SYNPO2: variants seen among roughly 807,000 people sequenced by gnomAD.
The protein encoded by SYNPO2 is synaptopodin 2.
A neutral mutation model predicts 85.0 loss-of-function variants in SYNPO2; 56 were observed. The observed-to-expected ratio is 0.66, with a 90% CI of 0.53 to 0.82. SYNPO2 has a LOEUF of 0.82. Ranked by LOEUF, SYNPO2 falls within the 40% of genes least tolerant of loss-of-function variation. SYNPO2 has a pLI of 0.00. For synonymous variants in SYNPO2, 602 were observed against 591.1 expected, an observed-to-expected ratio of 1.02 and a Z score of -0.27; for missense variants, 1,575 against 1,534.2, an observed-to-expected ratio of 1.03 and a Z score of -0.44.
Position 119,007,256 on chromosome 4 carries a change from A to G in SYNPO2, c.106-16174A>G, listed in dbSNP as rs28669919. Reference sequence around the variant, plus strand: ...TATATATATATATATGTATATACATATATATATATATATATATATGTATAT... The same window carrying G: ...TATATATATATATATGTATATACATGTATATATATATATATATATGTATAT... On this transcript the variant is annotated intron_variant, in intron 1 of 4. Coordinates refer to ENST00000307142, the MANE Select transcript of SYNPO2 (RefSeq NM_133477.3). 9.4e-4 allele frequency among the ~76,000 whole-genome samples: 37 copies of G among 39,242 alleles called. 1 individual carries two copies. Among genetic ancestry groups the G allele is most frequent in the African/African-American group, 3.0e-3 (33 of 11,140 alleles). 25.7% of individuals were successfully genotyped at this position (39,242 alleles called of 152,430 possible). A position where few individuals can be genotyped will look rare whatever the true frequency, so the allele number is the denominator to read the frequency against.
chr4:118,863,215 A>C (rs1256260488), intron 1 of SYNPO2, among the ~76,000 whole-genome samples: 1 of 151,946 alleles, frequency 6.6e-6, no homozygotes, highest in Non-Finnish European at 1.5e-5. Context: ...TATTTTTCGG[A>C]ATAGTTTGAG....
upstream of SYNPO2, among the ~76,000 whole-genome samples, chr4:118,884,732 T>G (rs1732169280): frequency 6.6e-6 from 1 of 152,262 alleles, no homozygotes; most frequent in South Asian, 2.1e-4. Context: ...CTCTCTTTTC[T>G]ATGTCTTTAT....
chr4:118,861,208 T>A (rs1211654028), intron 1 of SYNPO2, among the ~76,000 whole-genome samples: 1 of 152,162 alleles, frequency 6.6e-6, no homozygotes, highest in African/African-American at 2.4e-5. Context: ...TCACCCAGGC[T>A]GGAGTGCGAT....
chr4:119,057,296 T>G (rs2149202521), intron 4 of SYNPO2, 105 bp from the exon 5 acceptor site: 1 of 1,168,608 alleles, frequency 8.6e-7, no homozygotes, highest in East Asian at 2.8e-5. Context: ...TTTATTTTTA[T>G]TTTTTATTTT....
intron 1 of SYNPO2, among the ~76,000 whole-genome samples, chr4:118,919,612 G>T (rs1195044398): frequency 6.6e-6 from 1 of 152,204 alleles, no homozygotes; most frequent in Non-Finnish European, 1.5e-5. Flanking sequence ...TTTTGCAAGT[G>T]TTATTGTAGA....
chr4:118,937,541 A>G (rs1734150559), intron 1 of SYNPO2, among the ~76,000 whole-genome samples: 1 of 152,224 alleles, frequency 6.6e-6, no homozygotes, highest in African/African-American at 2.4e-5. Context: ...ACAGTAGACC[A>G]TAAACTACAG....
At chr4:118,940,898 T>C (rs765908057) in intron 1 of SYNPO2, among the ~76,000 whole-genome samples, 1 of 97,580 alleles carries the variant, frequency 1.0e-5, no homozygotes, top group Admixed American at 1.4e-4. Context: ...TTCATGTTGG[T>C]GCTCCTCCGG....
chr4:118,917,054 A>C (rs1733361488), intron 1 of SYNPO2, among the ~76,000 whole-genome samples: 1 of 152,126 alleles, frequency 6.6e-6, no homozygotes, highest in Non-Finnish European at 1.5e-5. Context: ...TTTTCAAAAA[A>C]TTTGTTTTAA....
At chr4:118,948,212 T>C (rs1328052964) in intron 1 of SYNPO2, among the ~76,000 whole-genome samples, 2 of 152,230 alleles carry the variant, frequency 1.3e-5, no homozygotes, top group African/African-American at 4.8e-5. Flanking sequence ...TAAGATCCGA[T>C]TTGTTAACAT....
intron 1 of SYNPO2, among the ~76,000 whole-genome samples, chr4:118,879,114 A>G (rs145220713): frequency 6.6e-6 from 1 of 152,194 alleles, no homozygotes; most frequent in African/African-American, 2.4e-5. Context: ...GAACAAGACC[A>G]CAGAACTCGC....
intron 1 of SYNPO2, among the ~76,000 whole-genome samples, chr4:119,005,180 C>T (rs1330298187): frequency 2.6e-5 from 4 of 152,130 alleles, no homozygotes; most frequent in Non-Finnish European, 4.4e-5. Flanking sequence ...TGTAGGTTGC[C>T]TCTTCACTCT....
intron 4 of SYNPO2, among the ~76,000 whole-genome samples, chr4:119,047,626 A>T (rs553814972): frequency 1.4e-4 from 22 of 152,242 alleles, no homozygotes; most frequent in Non-Finnish European, 2.6e-4. Flanking sequence ...TTGAGACTAG[A>T]ACAAAATGAC....
chr4:119,034,369 T>C (rs1241294550), intron 4 of SYNPO2: 2 of 974,656 alleles, frequency 2.1e-6, no homozygotes, highest in African/African-American at 1.8e-5. Context: ...AGTTGTCTAG[T>C]GGTGTGGTAT....
chr4:119,007,782 G>A (rs41427648), intron 1 of SYNPO2, among the ~76,000 whole-genome samples: 2,635 of 151,890 alleles, frequency 0.017, 69 homozygotes, highest in African/African-American at 0.06. Context: ...TGATATTGGC[G>A]AACCGACAAA....
intron 1 of SYNPO2, among the ~76,000 whole-genome samples, chr4:119,000,950 G>T (rs1736800759): frequency 1.3e-5 from 2 of 152,034 alleles, no homozygotes; most frequent in Admixed American, 1.3e-4. Flanking sequence ...AATCTATTAG[G>T]CCTAGAGTTT....
At chr4:119,032,138 A>G (rs1738302607) in intron 4 of SYNPO2, 111 bp downstream of exon 4, 3 of 1,510,538 alleles carry the variant, frequency 2.0e-6, no homozygotes, top group Middle Eastern at 3.6e-4. Flanking sequence ...AATGCCTAGC[A>G]AAGTCCTCAA....
chr4:119,047,473 T>C (rs1421280806), intron 4 of SYNPO2, among the ~76,000 whole-genome samples: 1 of 152,246 alleles, frequency 6.6e-6, no homozygotes, highest in African/African-American at 2.4e-5. Flanking sequence ...TGTGTACTTC[T>C]GCTGAAAGAA....
chr4:118,890,703 C>CTCTCTCTCTCTCTCTT (rs1442436334), intron 1 of SYNPO2, among the ~76,000 whole-genome samples: 3 of 131,294 alleles, frequency 2.3e-5, no homozygotes, highest in African/African-American at 8.3e-5. Flanking sequence ...CGGTTTCTCT[C>CTCTCTCTCTCTCTCTT]TCTCTCTCTC....
intron 1 of SYNPO2, among the ~76,000 whole-genome samples, chr4:118,902,763 C>T (rs571962681): frequency 2.0e-5 from 3 of 152,136 alleles, no homozygotes; most frequent in South Asian, 2.1e-4. Flanking sequence ...TAAGGAGTGT[C>T]GAGGAGAATT....
Sources: gnomAD v4.1 joint callset for allele counts (sites outside exome capture counted in the v4.1 genomes callset) on GRCh38, gnomAD v4.1.1 for gene constraint, MANE v1.5 for transcripts, NCBI Gene and HGNC (gene_info 2026-07-23, HGNC 2026-07-21) for gene names.